Variants in MITF observed in about 807,000 individuals in gnomAD.
The protein encoded by MITF is melanocyte inducing transcription factor.
MITF carries 17 observed loss-of-function variants against 60.5 expected under a neutral mutation model. That is an observed-to-expected ratio of 0.28 (90% CI 0.19 to 0.42). The LOEUF (loss-of-function observed/expected upper bound fraction) is 0.42. MITF is among the 10% of genes least tolerant of loss of function. MITF has a pLI of 1.00. For synonymous variants in MITF, 260 were observed against 248.5 expected (o/e 1.05, Z -0.43); for missense variants, 622 against 683.5 (o/e 0.91, Z 1.00).
chr3:69,913,188 G>A (rs887966261), intron 2 of MITF, among the ~76,000 whole-genome samples: 1 of 152,008 alleles, frequency 6.6e-6, no homozygotes, highest in African/African-American at 2.4e-5. Flanking sequence ...TATAAATAAA[G>A]CAGAGAATGC....
chr3:69,875,175 C>T (rs1293528260), intron 1 of MITF, among the ~76,000 whole-genome samples: 12 of 152,196 alleles, frequency 7.9e-5, no homozygotes, highest in Admixed American at 7.2e-4. Flanking sequence ...TGAGTCCAAT[C>T]GGTGGCCCTC....
chr3:69,900,312 T>TA (rs1211074519), intron 2 of MITF, among the ~76,000 whole-genome samples: 2 of 152,142 alleles, frequency 1.3e-5, no homozygotes, highest in Non-Finnish European at 2.9e-5. Flanking sequence ...TCCATGGAAT[T>TA]AAAAAATCGT....
At chr3:69,810,330 T>G (rs1166758737) in intron 1 of MITF, among the ~76,000 whole-genome samples, 1 of 152,062 alleles carries the variant, frequency 6.6e-6, no homozygotes, top group Non-Finnish European at 1.5e-5. Flanking sequence ...ATGTGGTTAA[T>G]TTTTTTTCCA....
chr3:69,762,788 AGG>A (rs2062230731), intron 1 of MITF: 4 of 223,968 alleles, frequency 1.8e-5, no homozygotes, highest in Non-Finnish European at 3.6e-5. Context: ...AAGATGTTAG[AGG>A]TACATTGGTT....
chr3:69,772,749 T>C (rs185799089), intron 1 of MITF, among the ~76,000 whole-genome samples: 1 of 152,248 alleles, frequency 6.6e-6, no homozygotes, highest in Admixed American at 6.5e-5. Flanking sequence ...CTAGCAAACG[T>C]TTCACAGCTC....
At chr3:69,762,123 A>C (rs1370716994) in intron 1 of MITF, among the ~76,000 whole-genome samples, 2 of 152,144 alleles carry the variant, frequency 1.3e-5, no homozygotes, top group African/African-American at 4.8e-5. Flanking sequence ...TTCTGCCTTG[A>C]CTTGTGGGTG....
intron 2 of MITF, among the ~76,000 whole-genome samples, chr3:69,905,890 T>TA (rs988066542): frequency 3.3e-5 from 5 of 152,164 alleles, no homozygotes; most frequent in Non-Finnish European, 7.4e-5. Flanking sequence ...GGATCTATCA[T>TA]ATGCTTTGCA....
chr3:69,849,684 C>A (rs2063792949), intron 1 of MITF, among the ~76,000 whole-genome samples: 1 of 152,190 alleles, frequency 6.6e-6, no homozygotes. Context: ...GGCTCTGATA[C>A]CTCATCCTTG....
At chr3:69,842,657 C>T (rs564085141) in intron 1 of MITF, among the ~76,000 whole-genome samples, 6 of 152,164 alleles carry the variant, frequency 3.9e-5, no homozygotes, top group Non-Finnish European at 8.8e-5. Context: ...GACAGAATCA[C>T]GCACAAGCAA....
chr3:69,848,022 G>C (rs148113637), intron 1 of MITF, among the ~76,000 whole-genome samples: 2 of 152,258 alleles, frequency 1.3e-5, no homozygotes, highest in Non-Finnish European at 2.9e-5. Flanking sequence ...TCTTGTTCAT[G>C]AACGATTAGG....
chr3:69,891,407 T>C (rs1305763670), intron 2 of MITF, among the ~76,000 whole-genome samples: 10 of 152,188 alleles, frequency 6.6e-5, no homozygotes, highest in Non-Finnish European at 1.2e-4. Context: ...GAAAGCATTG[T>C]GTAACTCAGG....
intron 1 of MITF, among the ~76,000 whole-genome samples, chr3:69,866,011 G>T (rs1200091708): frequency 1.3e-5 from 2 of 152,194 alleles, no homozygotes; most frequent in Admixed American, 1.3e-4. Context: ...CGAGGTGCTT[G>T]CCTGGCTGCT....
rs1439680236 is a variant in MITF, at chr3:69,739,494, T to G, written c.-104T>G. 2 of 1,123,796 alleles carry G rather than the reference T, an allele frequency of 1.8e-6. No homozygotes were observed. Among genetic ancestry groups the G allele is most frequent in the South Asian group, 1.4e-5 (1 of 73,974 alleles). The allele number at this position is 1,123,796 out of a possible 1,614,324, so 69.6% of individuals were successfully genotyped here. On this transcript the variant is annotated 5_prime_UTR_variant, in exon 1 of 10. Coordinates refer to ENST00000352241, the MANE Select transcript of MITF (RefSeq NM_001354604.2). ...CCGGCGAGCGGGCAGAGCTCGGCAC[T>G]GCGCCGGGGCGCACGGCTCGGGGGA...
At chr3:69,860,789 T>C (rs1290897100) in intron 1 of MITF, among the ~76,000 whole-genome samples, 2 of 152,202 alleles carry the variant, frequency 1.3e-5, no homozygotes, top group Non-Finnish European at 2.9e-5. Flanking sequence ...ATCAGGTTTA[T>C]GTGGGGTCAT....
intron 9 of MITF, among the ~76,000 whole-genome samples, chr3:69,962,554 G>A (rs2066576509): frequency 6.6e-6 from 1 of 152,170 alleles, no homozygotes; most frequent in Non-Finnish European, 1.5e-5. Context: ...GAGAGGCCAT[G>A]TCATATGGAG....
At chr3:69,742,283 G>A (rs948751988) in intron 1 of MITF, among the ~76,000 whole-genome samples, 4 of 152,104 alleles carry the variant, frequency 2.6e-5, no homozygotes, top group African/African-American at 7.2e-5. Flanking sequence ...TATCTAGTAG[G>A]TGGAGGCCAG....
intron 1 of MITF, among the ~76,000 whole-genome samples, chr3:69,746,281 C>T (rs911087759): frequency 1.3e-5 from 2 of 152,134 alleles, no homozygotes; most frequent in Admixed American, 1.3e-4. Flanking sequence ...TCCAGTTGTG[C>T]AAGAAGTGGA....
intron 1 of MITF, among the ~76,000 whole-genome samples, chr3:69,793,492 A>AGATGCTCATAGCATGCACCCTCTCCC (rs2062775758): frequency 2.0e-5 from 2 of 99,440 alleles, no homozygotes; most frequent in Non-Finnish European, 4.8e-5. Flanking sequence ...TCTACCCATT[A>AGATGCTCATAGCATGCACCCTCTCCC]GATGCTCATA....
chr3:69,828,117 AT>A (rs35846681), intron 1 of MITF, among the ~76,000 whole-genome samples: 76,117 of 151,956 alleles, frequency 0.5, 20,753 homozygotes, highest in Non-Finnish European at 0.63. Flanking sequence ...ATCAGTCAGT[AT>A]TGACACCATG....
Sources: gnomAD v4.1 joint callset for allele counts (sites outside exome capture counted in the v4.1 genomes callset) on GRCh38, gnomAD v4.1.1 for gene constraint, MANE v1.5 for transcripts, NCBI Gene and HGNC (gene_info 2026-07-23, HGNC 2026-07-21) for gene names.